LRBA: variants seen among roughly 807,000 people sequenced by gnomAD.
LRBA encodes lipopolysaccharide-responsive and beige-like anchor protein.
Under a neutral mutation model 330.0 loss-of-function variants are expected in LRBA, and 176 were observed. That is an observed-to-expected ratio of 0.53 (90% CI 0.47 to 0.60). The LOEUF is 0.60. Among genes scored for constraint, LRBA ranks in the 20% least tolerant of loss-of-function variants. The pLI is 0.00. For missense variants in LRBA, 3,259 were observed against 3,444.8 expected (o/e 0.95, Z 1.35); for synonymous variants, 1,230 against 1,193.0 (o/e 1.03, Z -0.64).
chr4:150,882,998 C>A (rs1016958309), intron 17 of LRBA, among the ~76,000 whole-genome samples: 1 of 152,190 alleles, frequency 6.6e-6, no homozygotes, highest in Non-Finnish European at 1.5e-5. Flanking sequence ...GGAAATGTTA[C>A]TGATGACTAT....
At chr4:150,407,915 C>T (rs768342379) in intron 47 of LRBA, among the ~76,000 whole-genome samples, 17 of 151,784 alleles carry the variant, frequency 1.1e-4, no homozygotes, top group African/African-American at 2.2e-4. Context: ...CCACACATAA[C>T]GAGAAAATTG....
At chr4:150,636,611 G>T (rs182672028) in intron 37 of LRBA, among the ~76,000 whole-genome samples, 1 of 152,084 alleles carries the variant, frequency 6.6e-6, no homozygotes, top group Non-Finnish European at 1.5e-5. Flanking sequence ...CTATTCCCAG[G>T]CCCCCTCAGT....
At chr4:150,743,703 G>A (rs1030856947) in intron 35 of LRBA, among the ~76,000 whole-genome samples, 1 of 152,170 alleles carries the variant, frequency 6.6e-6, no homozygotes, top group Non-Finnish European at 1.5e-5. Context: ...GAGTTGACCA[G>A]TTGTGAAAAA....
rs1158625389 is a variant in LRBA at position 150,896,994 on chromosome 4, T to TA, written c.2005-539dup. On this transcript the variant is annotated intron_variant, in intron 15 of 56. Coordinates refer to ENST00000651943, the MANE Select transcript of LRBA (RefSeq NM_001364905.1). Reference sequence around the variant, plus strand: ...ATTAATCACTAAAAAAGCTGCAATCTAAAAAAAAAAAAACACCACAAGAAG... The same window carrying TA: ...ATTAATCACTAAAAAAGCTGCAATCTAAAAAAAAAAAAAACACCACAAGAAG... Among the ~76,000 whole-genome samples the TA allele has an allele frequency of 8.1e-3, 997 of 123,094 alleles. 14 individuals carry two copies. The highest frequency in any genetic ancestry group is 0.04 in the East Asian group (173 of 4,368). 80.8% of individuals were successfully genotyped at this position (123,094 alleles called of 152,430 possible).
intron 35 of LRBA, among the ~76,000 whole-genome samples, chr4:150,741,626 A>G (rs1731987656): frequency 6.6e-6 from 1 of 152,186 alleles, no homozygotes; most frequent in South Asian, 2.1e-4. Flanking sequence ...TGTCCATTAA[A>G]AATAAAACTA....
intron 34 of LRBA, among the ~76,000 whole-genome samples, chr4:150,770,646 A>T (rs544581445): frequency 1.7e-4 from 26 of 151,964 alleles, no homozygotes; most frequent in Non-Finnish European, 1.9e-4. Flanking sequence ...AAGAAATGTA[A>T]CAATTACATT....
At chr4:150,995,667 G>C (rs1166005299) in intron 2 of LRBA, among the ~76,000 whole-genome samples, 1 of 152,076 alleles carries the variant, frequency 6.6e-6, no homozygotes, top group African/African-American at 2.4e-5. Context: ...ACTGTGCTTG[G>C]CTTGCTTTAG....
chr4:150,489,248 A>AATATATTATATATACGAAT (rs1758420730), intron 41 of LRBA, among the ~76,000 whole-genome samples: 1 of 60,848 alleles, frequency 1.6e-5, no homozygotes, highest in African/African-American at 6.8e-5. Flanking sequence ...ACGAATATAT[A>AATATATTATATATACGAAT]ATATATTATA....
intron 40 of LRBA, among the ~76,000 whole-genome samples, chr4:150,497,547 G>C (rs896529692): frequency 2.0e-5 from 3 of 151,904 alleles, no homozygotes; most frequent in African/African-American, 7.3e-5. Context: ...CATCTATACA[G>C]TATATTTCCC....
intron 50 of LRBA, among the ~76,000 whole-genome samples, chr4:150,319,163 C>T (rs538433443): frequency 1.3e-5 from 2 of 152,194 alleles, no homozygotes; most frequent in South Asian, 2.1e-4. Context: ...ACCGAGGAGC[C>T]CTGTGGTTGA....
At chr4:150,288,728 CTT>C (rs34527640) in intron 53 of LRBA, among the ~76,000 whole-genome samples, 1 of 146,118 alleles carries the variant, frequency 6.8e-6, no homozygotes, top group African/African-American at 2.5e-5. Context: ...CCATTGGCAA[CTT>C]TTTTTTTTTA....
At chr4:150,723,986 T>C (rs1047817268) in intron 36 of LRBA, among the ~76,000 whole-genome samples, 2 of 152,084 alleles carry the variant, frequency 1.3e-5, no homozygotes, top group African/African-American at 4.8e-5. Context: ...CTGTGGAAAG[T>C]GAAGAGTAGG....
intron 48 of LRBA, among the ~76,000 whole-genome samples, chr4:150,331,796 G>A (rs1056050385): frequency 2.6e-5 from 4 of 152,152 alleles, no homozygotes; most frequent in East Asian, 1.9e-4. Flanking sequence ...AAAGCCTTCC[G>A]TTCCAAATCC....
rs1004834832 is a variant in LRBA, at chr4:150,978,092, T to C, written c.216+36335A>G. Among the ~76,000 whole-genome samples, 6 of 152,352 alleles carry C rather than the reference T, an allele frequency of 3.9e-5. No homozygotes were observed. The East Asian group carries it at 1.2e-3, about 29-fold the overall frequency. Reference sequence around the variant, plus strand: ...GCAGGCCTTGGGTGAGACCCAGTGCTGTGCTGGCTTCAGATCTGACCCAGC... The same window carrying C: ...GCAGGCCTTGGGTGAGACCCAGTGCCGTGCTGGCTTCAGATCTGACCCAGC... On this transcript the variant is annotated intron_variant, in intron 2 of 56. Transcript: ENST00000651943.
chr4:150,474,943 G>A (rs1453237176), intron 42 of LRBA, among the ~76,000 whole-genome samples: 4 of 152,066 alleles, frequency 2.6e-5, no homozygotes, highest in African/African-American at 2.4e-5. Flanking sequence ...GATGATTTTT[G>A]TCACTTTGTG....
Position 150,516,932 on chromosome 4 carries a change from G to A in LRBA, c.6331-25897C>T, listed in dbSNP as rs1041848305. On this transcript the variant is annotated intron_variant, in intron 40 of 56. Transcript: ENST00000651943. ...GATGGTTATTCCCACATTTTTCATA[G>A]TGACAAAAAAATGAAAATAAGACTT... Among the ~76,000 whole-genome samples, 4 of 152,174 alleles carry A rather than the reference G, an allele frequency of 2.6e-5. No individual in the cohort carries two copies. The East Asian group carries it at 7.7e-4, about 29-fold the overall frequency.
rs998049924 is a variant in LRBA, at chr4:150,828,923, GTGT to G, written c.4730-305_4730-303del. Among the ~76,000 whole-genome samples the G allele has an allele frequency of 1.4e-4, 14 of 97,932 alleles. No individual in the cohort carries two copies. In the East Asian group the frequency reaches 3.5e-3, roughly 25 times the overall value. 64.2% of individuals were successfully genotyped at this position (97,932 alleles called of 152,430 possible). A position where few individuals can be genotyped will look rare whatever the true frequency, so the allele number is the denominator to read the frequency against. Reference sequence around the variant, plus strand: ...AAAAAGTCTATAATCTTTTTTGGGGGTGTGTGTGTGTGTGTGTGTGTGTGTGTG... The same window carrying G: ...AAAAAGTCTATAATCTTTTTTGGGGGGTGTGTGTGTGTGTGTGTGTGTGTG... On this transcript the variant is annotated intron_variant, in intron 29 of 56. Coordinates refer to ENST00000651943, the MANE Select transcript of LRBA (RefSeq NM_001364905.1).
At chr4:150,289,694 CT>C (rs748627614) in intron 53 of LRBA, among the ~76,000 whole-genome samples, 1 of 152,132 alleles carries the variant, frequency 6.6e-6, no homozygotes, top group Non-Finnish European at 1.5e-5. Flanking sequence ...ATTGTATTCC[CT>C]TTATTATCTG....
intron 44 of LRBA, among the ~76,000 whole-genome samples, chr4:150,465,466 T>G (rs1755325820): frequency 1.3e-5 from 2 of 152,116 alleles, no homozygotes; most frequent in African/African-American, 4.8e-5. Flanking sequence ...ACTATCATAC[T>G]TTCGCACCAG....
Sources: allele counts gnomAD v4.1 joint callset (sites outside exome capture counted in the v4.1 genomes callset), GRCh38; gene constraint gnomAD v4.1.1; transcripts MANE v1.5; gene names NCBI Gene and HGNC (gene_info 2026-07-23, HGNC 2026-07-21).